Variants in GAGE13 observed in about 807,000 individuals in gnomAD.
GAGE13 encodes G antigen 13.
At chrX:49,332,297 A>G (rs2066466952) in intron 1 of GAGE13, among the ~76,000 whole-genome samples, 1 of 92,155 alleles carries the variant, frequency 1.1e-5, no homozygotes, top group Admixed American at 1.2e-4. Flanking sequence ...TGGGGAGTGC[A>G]CTTGTGAAAC....
chrX:49,332,274 ACTAGGGTTTT>A (rs2066466827), intron 1 of GAGE13, among the ~76,000 whole-genome samples: 1 of 86,388 alleles, frequency 1.2e-5, no homozygotes, highest in Non-Finnish European at 2.7e-5. Context: ...ATTGTGATTC[ACTAGGGTTTT>A]CGTGGGGAGT....
intron 3 of GAGE13, among the ~76,000 whole-genome samples, chrX:49,335,156 CA>C (rs2066480243): frequency 2.6e-4 from 1 of 3,896 alleles, no homozygotes; most frequent in African/African-American, 9.2e-4. Flanking sequence ...CACACACACA[CA>C]TACATACGGA....
chrX:49,331,958 C>A (rs2066465042), intron 1 of GAGE13, among the ~76,000 whole-genome samples: 1 of 80,545 alleles, frequency 1.2e-5, no homozygotes, highest in South Asian at 6.5e-4. Flanking sequence ...GGATGGAAGT[C>A]CCGAGGTGCC....
chrX:49,333,074 G>A (rs2066471959), intron 2 of GAGE13, among the ~76,000 whole-genome samples: 1 of 80,321 alleles, frequency 1.2e-5, no homozygotes, highest in Admixed American at 1.3e-4. Flanking sequence ...CCAACACAGA[G>A]TACAATAGCC....
At chrX:49,335,240 C>T (rs1429904100) in intron 3 of GAGE13, among the ~76,000 whole-genome samples, 1 of 105,821 alleles carries the variant, frequency 9.4e-6, no homozygotes, top group Non-Finnish European at 2.0e-5. Flanking sequence ...ACCCTATGTA[C>T]TTGAGGGTGT....
chrX:49,335,067 A>G (rs1260777124), intron 3 of GAGE13, among the ~76,000 whole-genome samples: 3 of 83,061 alleles, frequency 3.6e-5, no homozygotes, highest in Non-Finnish European at 5.4e-5. Context: ...GGATTCACCA[A>G]TTGTTAATAG....
intron 1 of GAGE13, among the ~76,000 whole-genome samples, chrX:49,332,102 G>C (rs2066465927): frequency 2.5e-5 from 2 of 80,967 alleles, no homozygotes; most frequent in Admixed American, 2.5e-4. Context: ...GTGGAGTGCG[G>C]AGCGCCCGAG....
At chrX:49,332,387 G>A (rs1450306516) in intron 1 of GAGE13, among the ~76,000 whole-genome samples, 97 of 102,462 alleles carry the variant, frequency 9.5e-4, no homozygotes, top group Non-Finnish European at 1.7e-3. Flanking sequence ...GGGACACTGA[G>A]GTGGGAGGAT....
intron 1 of GAGE13, among the ~76,000 whole-genome samples, chrX:49,332,107 C>T (rs2066465971): frequency 1.2e-5 from 1 of 81,031 alleles, no homozygotes; most frequent in Non-Finnish European, 3.1e-5. Flanking sequence ...GTGCGGAGCG[C>T]CCGAGTGAGA....
intron 3 of GAGE13, among the ~76,000 whole-genome samples, chrX:49,335,550 C>T (rs2066482830): frequency 1.0e-5 from 1 of 95,282 alleles, no homozygotes; most frequent in Non-Finnish European, 2.3e-5. Flanking sequence ...AGGCGCCGGC[C>T]ACTGCGGGCT....
At chrX:49,335,526 G>A (rs1423831131) in intron 3 of GAGE13, among the ~76,000 whole-genome samples, 8 of 102,181 alleles carry the variant, frequency 7.8e-5, no homozygotes, top group African/African-American at 2.6e-4. Context: ...AGCCTCCCGT[G>A]TAGCTGGGAC....
intron 1 of GAGE13, 56 bp downstream of exon 1, chrX:49,331,745 G>GCCCAC (rs2066463965): frequency 1.0e-4 from 8 of 76,210 alleles, no homozygotes; most frequent in African/African-American, 2.4e-4. Flanking sequence ...GGTGGAGAGG[G>GCCCAC]CCTCGGGTGG....
At chrX:49,332,215 G>T (rs1213050698) in intron 1 of GAGE13, among the ~76,000 whole-genome samples, 12 of 80,029 alleles carry the variant, frequency 1.5e-4, no homozygotes, top group Admixed American at 3.8e-4. Context: ...GTGAGGGGGG[G>T]TGAATGGCTC....
chrX:49,337,699 T>A (rs1460516947), intron 4 of GAGE13, among the ~76,000 whole-genome samples: 1 of 62,772 alleles, frequency 1.6e-5, no homozygotes, highest in East Asian at 3.9e-4. Flanking sequence ...TACTTTAAGT[T>A]TTAGGGTACA....
chrX:49,331,967 C>A lies in GAGE13; in HGVS notation c.-9+278C>A, dbSNP rs1453408620. Among the ~76,000 whole-genome samples the A allele has an allele frequency of 5.1e-4, 41 of 80,166 alleles. No homozygotes were observed. The East Asian group carries it at 0.013, about 26-fold the overall frequency. 69.6% of individuals were successfully genotyped at this position (80,166 alleles called of 115,157 possible). On this transcript the variant is annotated intron_variant, in intron 1 of 4. Transcript: ENST00000612958. ...TTGGGGGGATGGAAGTCCCGAGGTG[C>A]CGGGAACCCCCGACGACACAGGGCA... is the stretch of plus-strand genomic sequence containing the variant.
intron 3 of GAGE13, among the ~76,000 whole-genome samples, chrX:49,335,231 C>A (rs2066480812): frequency 9.4e-6 from 1 of 106,358 alleles, no homozygotes; most frequent in African/African-American, 3.4e-5. Flanking sequence ...TGGTCCTTTA[C>A]CCTATGTACT....
chrX:49,335,159 AC>A (rs1971714951), intron 3 of GAGE13, among the ~76,000 whole-genome samples: 3 of 221 alleles, frequency 0.014, no homozygotes, highest in Non-Finnish European at 0.033. Context: ...ACACACACAT[AC>A]ATACGGATAT....
rs2066463415 is a variant in GAGE13 at position 49,331,627 on chromosome X, T to C, written c.-71T>C. The stretch of plus-strand genomic sequence containing the variant: ...GCCCACGTGAAGAACGCCAGGGAGC[T>C]GTGAGGCAGTGCTGTGTGGTTCCTG... On this transcript the variant is annotated 5_prime_UTR_variant, in exon 1 of 5. Coordinates refer to ENST00000612958, the MANE Select transcript of GAGE13 (RefSeq NM_001098412.4). 1 of 57,735 alleles carries C rather than the reference T, an allele frequency of 1.7e-5. No individual in the cohort carries two copies. The highest frequency in any genetic ancestry group is 5.0e-5 in the Non-Finnish European group (1 of 20,004). The allele number at this position is 57,735 out of a possible 1,213,427, so 4.8% of individuals were successfully genotyped here. A position where few individuals can be genotyped will look rare whatever the true frequency, so the allele number is the denominator to read the frequency against.
At chrX:49,335,152 C>G (rs1283966524) in intron 3 of GAGE13, among the ~76,000 whole-genome samples, 3 of 8,459 alleles carry the variant, frequency 3.5e-4, no homozygotes, top group Admixed American at 3.3e-3. Context: ...CACACACACA[C>G]ACACATACAT....
Sources: gnomAD v4.1 joint callset for allele counts (sites outside exome capture counted in the v4.1 genomes callset) on GRCh38, gnomAD v4.1.1 for gene constraint, MANE v1.5 for transcripts, NCBI Gene and HGNC (gene_info 2026-07-23, HGNC 2026-07-21) for gene names.